CFAP47: variants seen among roughly 807,000 people sequenced by gnomAD.
CFAP47 encodes cilia and flagella associated protein 47.
In CFAP47, 29 loss-of-function variants were observed where a neutral mutation model predicts 148.1. The observed-to-expected ratio is 0.20, with a 90% CI of 0.15 to 0.27. The LOEUF is 0.27. Among genes scored for constraint, CFAP47 ranks in the 10% least tolerant of loss-of-function variants. CFAP47 has a pLI of 1.00. For synonymous variants in CFAP47, 664 were observed against 577.3 expected, an observed-to-expected ratio of 1.15 and a Z score of -2.15; for missense variants, 1,872 against 1,697.5, an observed-to-expected ratio of 1.10 and a Z score of -1.81.
chrX:36,069,964 A>T (rs1240060538), intron 27 of CFAP47, among the ~76,000 whole-genome samples: 1 of 112,000 alleles, frequency 8.9e-6, no homozygotes, highest in Non-Finnish European at 1.9e-5. Flanking sequence ...TCCACTGGGA[A>T]CTTTTTATCA....
intron 45 of CFAP47, among the ~76,000 whole-genome samples, chrX:36,211,869 CT>C (rs1279842472): frequency 9.1e-6 from 1 of 109,880 alleles, no homozygotes; most frequent in Non-Finnish European, 1.9e-5. Context: ...TGTACAGTGT[CT>C]TTTTTTTTGT....
At chrX:36,083,621 G>A (rs759626479) in intron 29 of CFAP47, among the ~76,000 whole-genome samples, 2 of 111,344 alleles carry the variant, frequency 1.8e-5, no homozygotes, top group African/African-American at 3.2e-5. Context: ...ACAATAATGA[G>A]ATATTCTACA....
intron 39 of CFAP47, among the ~76,000 whole-genome samples, chrX:36,161,676 G>A (rs1461195503): frequency 9.0e-6 from 1 of 111,687 alleles, no homozygotes; most frequent in Non-Finnish European, 1.9e-5. Context: ...TCCAGCTTCA[G>A]CTATCAGATT....
intron 60 of CFAP47, 36 bp from the exon 61 acceptor site, chrX:36,361,294 T>C (rs1456387875): frequency 7.3e-5 from 61 of 835,274 alleles, no homozygotes; most frequent in Non-Finnish European, 5.8e-5. Context: ...GCATATTTAA[T>C]TAAATTGAAA....
chrX:35,938,299 T>C (rs1051990489), intron 2 of CFAP47, among the ~76,000 whole-genome samples: 1 of 111,133 alleles, frequency 9.0e-6, no homozygotes, highest in Non-Finnish European at 1.9e-5. Flanking sequence ...AGGAATAAAG[T>C]GCATAGGTAA....
chrX:36,019,486 G>A (rs576017666), intron 22 of CFAP47, among the ~76,000 whole-genome samples: 1 of 111,715 alleles, frequency 9.0e-6, no homozygotes, highest in Non-Finnish European at 1.9e-5. Flanking sequence ...ACATTCCTTT[G>A]TATTTGCACC....
chrX:36,088,383 C>G (rs1230538605), intron 30 of CFAP47, among the ~76,000 whole-genome samples: 2 of 111,241 alleles, frequency 1.8e-5, no homozygotes, highest in African/African-American at 6.5e-5. Flanking sequence ...GAAACCCTAA[C>G]CCCCAATGTG....
chrX:36,246,915 C>T (rs782210186), intron 48 of CFAP47, among the ~76,000 whole-genome samples: 3 of 111,120 alleles, frequency 2.7e-5, no homozygotes, highest in Admixed American at 9.6e-5. Flanking sequence ...CCAGCAATTT[C>T]ATTATTAGGT....
intron 26 of CFAP47, among the ~76,000 whole-genome samples, chrX:36,058,756 C>T (rs1390583935): frequency 9.0e-6 from 1 of 110,953 alleles, no homozygotes; most frequent in Admixed American, 9.7e-5. Context: ...TTCTTATTGC[C>T]GGGAGTTCCC....
chrX:36,054,672 A>G (rs1434565727), intron 26 of CFAP47, among the ~76,000 whole-genome samples: 3 of 111,956 alleles, frequency 2.7e-5, no homozygotes, highest in South Asian at 3.7e-4. Context: ...CGGTTTTCAG[A>G]ATTTCAGCAG....
chrX:35,970,311 T>C (rs1936470663), intron 10 of CFAP47, among the ~76,000 whole-genome samples: 1 of 111,390 alleles, frequency 9.0e-6, no homozygotes, highest in Non-Finnish European at 1.9e-5. Context: ...ATTTCATAAG[T>C]TGTGAAGTTT....
intron 62 of CFAP47, among the ~76,000 whole-genome samples, chrX:36,373,504 A>C (rs1367293459): frequency 4.5e-5 from 5 of 110,750 alleles, no homozygotes; most frequent in African/African-American, 1.6e-4. Flanking sequence ...ATATAGGAAC[A>C]CACCCTCTGC....
intron 33 of CFAP47, among the ~76,000 whole-genome samples, chrX:36,122,632 G>C (rs976463512): frequency 9.0e-6 from 1 of 111,432 alleles, no homozygotes; most frequent in African/African-American, 3.3e-5. Context: ...TTCAGCTCCA[G>C]AATTCTACTT....
chrX:36,283,768 T>C (rs1941103966), intron 50 of CFAP47, among the ~76,000 whole-genome samples: 1 of 111,918 alleles, frequency 8.9e-6, no homozygotes, highest in Non-Finnish European at 1.9e-5. Context: ...TCCATCTCTC[T>C]GAAGAACCAT....
intron 45 of CFAP47, among the ~76,000 whole-genome samples, chrX:36,219,141 C>A (rs1283095612): frequency 9.0e-6 from 1 of 111,669 alleles, no homozygotes; most frequent in African/African-American, 3.3e-5. Context: ...TCTACAGATA[C>A]AAAATTACTC....
intron 1 of CFAP47, among the ~76,000 whole-genome samples, chrX:35,923,552 G>A (rs955978681): frequency 4.5e-5 from 5 of 110,672 alleles, no homozygotes; most frequent in African/African-American, 9.9e-5. Context: ...TGGGCACGAC[G>A]GCTCATGCCT....
intron 39 of CFAP47, among the ~76,000 whole-genome samples, chrX:36,171,006 G>A (rs1477096334): frequency 1.4e-4 from 15 of 110,713 alleles, no homozygotes; most frequent in Non-Finnish European, 2.5e-4. Context: ...GTGTGAAATG[G>A]TATCTCATTG....
At chrX:36,248,170 GTATTA>G (rs1345708809) in intron 48 of CFAP47, among the ~76,000 whole-genome samples, 13 of 105,369 alleles carry the variant, frequency 1.2e-4, no homozygotes, top group African/African-American at 3.4e-4. Flanking sequence ...TATGTATTAT[GTATTA>G]TATTTATTAT....
At chrX:35,979,381 A>G (rs1267880514) in intron 15 of CFAP47, among the ~76,000 whole-genome samples, 1 of 108,814 alleles carries the variant, frequency 9.2e-6, no homozygotes. Flanking sequence ...TTTGTCTGTT[A>G]TCTTTATCCT....
Sources: gnomAD v4.1 joint callset for allele counts (sites outside exome capture counted in the v4.1 genomes callset) on GRCh38, gnomAD v4.1.1 for gene constraint, MANE v1.5 for transcripts, NCBI Gene and HGNC (gene_info 2026-07-23, HGNC 2026-07-21) for gene names.